EPX: variants seen among roughly 807,000 people sequenced by gnomAD.
The protein encoded by EPX is eosinophil peroxidase.
EPX carries 60 observed loss-of-function variants against 73.0 expected under a neutral mutation model. The ratio of observed to expected loss-of-function variants is 0.82; its 90% confidence interval spans 0.67 to 1.02. EPX has a LOEUF of 1.02. EPX is among the 50% of genes least tolerant of loss of function. The probability of loss-of-function intolerance (pLI) is 0.00; values close to 1 mark genes in which losing one functional copy is unlikely to be tolerated. For missense variants in EPX, 950 were observed against 973.9 expected (o/e 0.98, Z 0.33); for synonymous variants, 347 against 389.2 (o/e 0.89, Z 1.28).
rs748885635 is a variant in EPX at position 58,203,074 on chromosome 17, C to T, written c.1709-7C>T. On this transcript the variant is annotated splice_polypyrimidine_tract_variant and splice_region_variant and intron_variant, in intron 10 of 12. Coordinates refer to ENST00000225371, the MANE Select transcript of EPX (RefSeq NM_000502.6). ...GACTGAAGCTGCTTCTCCCCGTTCC[C>T]CTGCAGGGTACAATGCTTGGAGGCG... The T allele has an allele frequency of 1.1e-5, 17 of 1,606,808 alleles. No homozygotes were observed. In the African/African-American group the frequency reaches 2.3e-4, roughly 21 times the overall value.
Position 58,196,993 on chromosome 17 carries a change from C to T in EPX, c.856C>T (p.Arg286Cys), listed in dbSNP as rs781542790. The change falls in exon 7 of 13, where the codon CGC becomes TGC. Residue 286 changes from arginine to cysteine, a missense_variant. By Grantham distance (180) the Arg-to-Cys change is radical. Transcript: ENST00000225371. ...CCAGCGTGACTGCATCCCTTTCTTC[C>T]GCTCGGCACCCTCATGCCCCCAAAA... ...KNQRDCIPFF[R>C]SAPSCPQNKN... 28 of 1,614,012 alleles carry T rather than the reference C, an allele frequency of 1.7e-5. No individual in the cohort carries two copies. Among genetic ancestry groups the T allele is most frequent in the African/African-American group, 1.2e-4 (9 of 74,910 alleles).
At position 58,193,822 on chromosome 17, in the gene EPX, GCAA is replaced by G. The variant is rs750121261; in HGVS notation, c.462_464del (p.Asn154del). On this transcript the variant is annotated inframe_deletion, in exon 4 of 13. Transcript: ENST00000225371. ...AAGTACCGCACCATCACTGGACGGT[GCAA>G]CAACAAGTGCGTGCGGGGCGGCAGG... 97 of 1,611,858 alleles carry G rather than the reference GCAA, an allele frequency of 6.0e-5. No homozygotes were observed. Among genetic ancestry groups the G allele is most frequent in the South Asian group, 5.2e-4 (47 of 91,028 alleles).
At chr17:58,193,855 G>C in intron 4 of EPX, 24 bp downstream of exon 4, 1 of 1,602,514 alleles carries the variant, frequency 6.2e-7, no homozygotes, top group Non-Finnish European at 8.5e-7. Context: ...GGCAGGAGGG[G>C]CTGCCCCTGC....
At chr17:58,203,343 A>T in intron 11 of EPX, 25 bp downstream of exon 11, 1 of 1,475,808 alleles carries the variant, frequency 6.8e-7, no homozygotes, top group African/African-American at 1.4e-5. Context: ...CATAAAAGAC[A>T]TCAGCACCAG....
At position 58,197,383 on chromosome 17, in the gene EPX, C is replaced by T. The variant is rs939928384; in HGVS notation, c.1120+126C>T. On this transcript the variant is annotated intron_variant, in intron 7 of 12. Coordinates refer to ENST00000225371, the MANE Select transcript of EPX (RefSeq NM_000502.6). ...ACCTCAGTATTAGGCACACCATAAG[C>T]ATGGATCTGTGCACAGCCATCATAG... The T allele has an allele frequency of 8.1e-6, 9 of 1,116,752 alleles. No individual in the cohort carries two copies. The African/African-American group carries it at 9.2e-5, about 11-fold the overall frequency. The allele number at this position is 1,116,752 out of a possible 1,614,324, so 69.2% of individuals were successfully genotyped here.
At chr17:58,203,931 CAAAAAAAAAAAAAAAAAAAAA>C (rs567848038) in intron 11 of EPX, among the ~76,000 whole-genome samples, 18 of 15,780 alleles carry the variant, frequency 1.1e-3, no homozygotes, top group Non-Finnish European at 1.6e-3. Flanking sequence ...GACTCCGTCT[CAAAAAAAAAAAAAAAAAAAAA>C]AAAAAAAAAA....
intron 6 of EPX, among the ~76,000 whole-genome samples, chr17:58,195,693 C>T (rs1407416414): frequency 6.6e-6 from 1 of 150,680 alleles, no homozygotes; most frequent in Non-Finnish European, 1.5e-5. Context: ...CACACACACA[C>T]TCTCTCACAC....
intron 11 of EPX, among the ~76,000 whole-genome samples, chr17:58,203,972 A>G (rs747192858): frequency 9.0e-4 from 91 of 101,148 alleles, no homozygotes; most frequent in African/African-American, 2.5e-3. Context: ...AAAAAAAAAG[A>G]CCTGTCTCCT....
chr17:58,193,360 C>T lies in EPX; in HGVS notation c.171-11C>T, dbSNP rs1177175287. 6.2e-7 allele frequency: 1 copy of T among 1,614,126 alleles called. No homozygotes were observed. The highest frequency in any genetic ancestry group is 8.5e-7 in the Non-Finnish European group (1 of 1,179,984). ...CCTCTCTCCAGCCCTCACTCCTCCT[C>T]TCCTGGGCAGCATCAAGCAGCGGCT... On this transcript the variant is annotated splice_polypyrimidine_tract_variant and intron_variant, in intron 2 of 12. Transcript: ENST00000225371.
At position 58,204,441 on chromosome 17, in the gene EPX, G is replaced by C. The variant is rs1308106833; in HGVS notation, c.*11+7G>C. 2 of 1,587,826 alleles carry C rather than the reference G, an allele frequency of 1.3e-6. No individual in the cohort carries two copies. Among genetic ancestry groups the C allele is most frequent in the Non-Finnish European group, 1.7e-6 (2 of 1,156,592 alleles). Reference sequence around the variant, plus strand: ...GGACATGAGGCTTCTGCAGGTAAGGGGAGGCCACCTCCAGCACCCTGGGCT... The same window carrying C: ...GGACATGAGGCTTCTGCAGGTAAGGCGAGGCCACCTCCAGCACCCTGGGCT... On this transcript the variant is annotated splice_region_variant and intron_variant, in intron 12 of 12. Transcript: ENST00000225371.
Position 58,197,114 on chromosome 17 carries a change from G to C in EPX, c.977G>C (p.Arg326Pro), listed in dbSNP as rs35832094. ...GAGGTCTCCCTCTCGCTGCGGCTCC[G>C]CAACCGGACCAACTACCTGGGGCTG... ...GSEVSLSLRL[R>P]NRTNYLGLLA... Residue 326 changes from arginine to proline, a missense_variant, in exon 7 of 13, where the codon CGC (arginine) becomes CCC (proline). Arg to Pro is a moderately radical substitution (Grantham distance 103). Coordinates refer to ENST00000225371, the MANE Select transcript of EPX (RefSeq NM_000502.6). 1.6e-4 allele frequency: 265 copies of C among 1,614,164 alleles called. 2 individuals are homozygous for C. In the East Asian group the frequency reaches 5.8e-3, roughly 35 times the overall value.
At position 58,197,203 on chromosome 17, in the gene EPX, G is replaced by T; in HGVS notation, c.1066G>T (p.Asp356Tyr). The T allele has an allele frequency of 6.2e-7, 1 of 1,613,592 alleles. No individual in the cohort carries two copies. Among genetic ancestry groups the T allele is most frequent in the Non-Finnish European group, 8.5e-7 (1 of 1,180,022 alleles). The change falls in exon 7 of 13, where the codon GAT (aspartate) becomes TAT (tyrosine). Residue 356 changes from aspartate (D) to tyrosine (Y), a missense_variant. Asp to Tyr is a radical substitution (Grantham distance 160). Coordinates refer to ENST00000225371, the MANE Select transcript of EPX (RefSeq NM_000502.6). ...RALLPFDNLH[D>Y]DPCLLTNRSA... ...CCTGCTGCCCTTCGACAACCTGCAC[G>T]ATGACCCCTGTCTCCTCACCAACCG...
At position 58,199,697 on chromosome 17, in the gene EPX, C is replaced by T; in HGVS notation, c.1440C>T (p.Phe480=). ...TTGGCCACACAATGCTCCAGCCCTT[C>T]ATGTTCCGCTTGGACAGTCAGTACC... ...FRFGHTMLQP[F]MFRLDSQYRA... The change falls in exon 9 of 13, where the codon TTC becomes TTT. Residue 480 remains phenylalanine, a synonymous_variant. Coordinates refer to ENST00000225371, the MANE Select transcript of EPX (RefSeq NM_000502.6). 1 of 1,614,268 alleles carries T rather than the reference C, an allele frequency of 6.2e-7. No homozygotes were observed. The highest frequency in any genetic ancestry group is 8.5e-7 in the Non-Finnish European group (1 of 1,180,050).
chr17:58,197,048 C>G lies in EPX; in HGVS notation c.911C>G (p.Ala304Gly), dbSNP rs201419733. The G allele has an allele frequency of 5.0e-6, 8 of 1,614,180 alleles. No individual in the cohort carries two copies. The highest frequency in any genetic ancestry group is 3.3e-5 in the Admixed American group (2 of 60,026). ...AACAGAGTCCGCAACCAGATCAACG[C>G]GCTCACCTCCTTTGTGGACGCCAGC... ...NKNRVRNQIN[A>G]LTSFVDASMV... Residue 304 changes from alanine (A) to glycine (G), a missense_variant, in exon 7 of 13, where the codon GCG (alanine) becomes GGG (glycine). Ala to Gly is a moderately conservative substitution (Grantham distance 60). Transcript: ENST00000225371.
chr17:58,203,080 G>C lies in EPX; in HGVS notation c.1709-1G>C. 6.2e-7 allele frequency: 1 copy of C among 1,610,682 alleles called. No individual in the cohort carries two copies. The highest frequency in any genetic ancestry group is 8.5e-7 in the Non-Finnish European group (1 of 1,177,156). ...AGCTGCTTCTCCCCGTTCCCCTGCA[G>C]GGTACAATGCTTGGAGGCGCTTCTG... On this transcript the variant is annotated splice_acceptor_variant, in intron 10 of 12. Transcript: ENST00000225371. LOFTEE classifies it high-confidence loss of function.
At chr17:58,203,659 G>A (rs994683296) in intron 11 of EPX, among the ~76,000 whole-genome samples, 2 of 152,050 alleles carry the variant, frequency 1.3e-5, no homozygotes, top group Admixed American at 6.5e-5. Flanking sequence ...ACGGCCGGGC[G>A]CGGTGGCTCA....
intron 1 of EPX, 47 bp downstream of exon 1, chr17:58,192,969 G>A: frequency 6.2e-7 from 1 of 1,603,062 alleles, no homozygotes. Flanking sequence ...GAAATGGAAG[G>A]GGAAGCACTT....
rs760919655 is a variant in EPX at position 58,199,789 on chromosome 17, A to T, written c.1532A>T (p.Tyr511Phe). Residue 511 changes from tyrosine to phenylalanine, a missense_variant, in exon 9 of 13, where the codon TAT becomes TTT. Tyr to Phe is a conservative substitution (Grantham distance 22, BLOSUM62 3). Coordinates refer to ENST00000225371, the MANE Select transcript of EPX (RefSeq NM_000502.6). ...TTCTTTGCCAGCTGGCGGATCGTGT[A>T]TGAAGGTGACCAGGTTTTCCAGGGG... ...SAFFASWRIV[Y>F]EGGIDPILRG... 2.5e-6 allele frequency: 4 copies of T among 1,604,616 alleles called. No homozygotes were observed. Among genetic ancestry groups the T allele is most frequent in the Non-Finnish European group, 3.4e-6 (4 of 1,175,304 alleles).
At chr17:58,200,518 G>T in intron 10 of EPX, 123 bp downstream of exon 10, 1 of 1,005,194 alleles carries the variant, frequency 9.9e-7, no homozygotes, top group Non-Finnish European at 1.5e-6. Context: ...GGAGTGCAGA[G>T]GCATGCAAGG....
Sources: gnomAD v4.1 joint callset for allele counts (sites outside exome capture counted in the v4.1 genomes callset) on GRCh38, gnomAD v4.1.1 for gene constraint, MANE v1.5 for transcripts, NCBI Gene and HGNC (gene_info 2026-07-23, HGNC 2026-07-21) for gene names.